Variants in PRDM1 observed in about 807,000 individuals in gnomAD.
PRDM1 encodes the protein PR domain zinc finger protein 1.
Under a neutral mutation model 62.8 loss-of-function variants are expected in PRDM1, and 13 were observed. That is an observed-to-expected ratio of 0.21 (90% CI 0.13 to 0.33). The LOEUF (loss-of-function observed/expected upper bound fraction) is 0.33, where lower values mean the gene tolerates loss of function less well. PRDM1 is among the 10% of genes least tolerant of loss of function. The pLI is 1.00. For synonymous variants in PRDM1, 396 were observed against 417.6 expected (o/e 0.95, Z 0.63); for missense variants, 895 against 1,058.8 (o/e 0.85, Z 2.15).
At position 106,105,382 on chromosome 6, in the gene PRDM1, G is replaced by A. The variant is rs144524449; in HGVS notation, c.1222G>A (p.Ala408Thr). The A allele has an allele frequency of 6.2e-7, 1 of 1,613,926 alleles. No individual in the cohort carries two copies. Among genetic ancestry groups the A allele is most frequent in the Non-Finnish European group, 8.5e-7 (1 of 1,179,988 alleles). The change falls in exon 5 of 7, where the codon GCT becomes ACT. Residue 408 changes from alanine (A) to threonine (T), a missense_variant. Coordinates refer to ENST00000369096, the MANE Select transcript of PRDM1 (RefSeq NM_001198.4). ...GCCAGCTTTCATCCCCTCGTACAAC[G>A]CTCACTACCCCAAGTTCCTCTTGCC... is the stretch of plus-strand genomic sequence containing the variant. ...LPPAFIPSYN[A>T]HYPKFLLPPY... is the part of the protein sequence containing the mutation.
At chr6:106,026,941 G>A (rs1020691695) in intron 1 of PRDM1, among the ~76,000 whole-genome samples, 1 of 152,188 alleles carries the variant, frequency 6.6e-6, no homozygotes, top group African/African-American at 2.4e-5. Flanking sequence ...GAAAGAGAAT[G>A]TAAGATGTGC....
chr6:106,050,529 A>G (rs1294411610), intron 1 of PRDM1, among the ~76,000 whole-genome samples: 1 of 152,094 alleles, frequency 6.6e-6, no homozygotes, highest in African/African-American at 2.4e-5. Context: ...TTTACTTTTT[A>G]TTCTTTCACA....
At position 106,109,252 on chromosome 6, in the gene PRDM1, A is replaced by C; in HGVS notation, c.*1766A>C. On this transcript the variant is annotated 3_prime_UTR_variant, in exon 7 of 7. Transcript: ENST00000369096. Reference sequence around the variant, plus strand: ...GACCACAAAACAACCAGGGAGGAAGAGATACATCATTTTTTAGTATTAAGG... The same window carrying C: ...GACCACAAAACAACCAGGGAGGAAGCGATACATCATTTTTTAGTATTAAGG... The C allele has an allele frequency of 4.3e-6, 1 of 232,268 alleles. No individual in the cohort carries two copies. Among genetic ancestry groups the C allele is most frequent in the Non-Finnish European group, 8.5e-6 (1 of 117,052 alleles). The allele number at this position is 232,268 out of a possible 1,614,324, so 14.4% of individuals were successfully genotyped here.
At chr6:106,035,491 T>G (rs2114571050) in intron 1 of PRDM1, among the ~76,000 whole-genome samples, 1 of 152,120 alleles carries the variant, frequency 6.6e-6, no homozygotes, top group East Asian at 1.9e-4. Context: ...TAACTGGGTG[T>G]GGTGGCACAT....
intron 4 of PRDM1, 171 bp downstream of exon 4, chr6:106,099,723 A>G (rs1774214342): frequency 2.5e-6 from 2 of 807,388 alleles, no homozygotes; most frequent in South Asian, 1.9e-5. Flanking sequence ...CCTATTAACT[A>G]TTAGGAAACT....
intron 1 of PRDM1, chr6:106,078,128 G>T (rs1418021406): frequency 6.6e-6 from 1 of 152,222 alleles, no homozygotes; most frequent in African/African-American, 2.4e-5. Flanking sequence ...TCCCTGCTGG[G>T]TGCTGCCAGA....
chr6:106,045,462 A>G (rs1773059867), upstream of PRDM1: 1 of 152,198 alleles, frequency 6.6e-6, no homozygotes, highest in Non-Finnish European at 1.5e-5. Context: ...ATTGTGGCTT[A>G]TTCAAAACAG....
upstream of PRDM1, among the ~76,000 whole-genome samples, chr6:106,085,704 G>C (rs118119189): frequency 1.5e-4 from 23 of 152,328 alleles, 1 homozygote; most frequent in East Asian, 4.2e-3. Context: ...AAGTCAGCCT[G>C]TGGGTTCTGG....
intron 1 of PRDM1, among the ~76,000 whole-genome samples, chr6:106,064,565 G>A (rs1274633436): frequency 6.6e-6 from 1 of 152,174 alleles, no homozygotes; most frequent in African/African-American, 2.4e-5. Context: ...TCGTCTGAGG[G>A]CGTGCGGCCC....
At chr6:106,104,097 C>A (rs1006496209) in intron 4 of PRDM1, among the ~76,000 whole-genome samples, 1 of 152,070 alleles carries the variant, frequency 6.6e-6, no homozygotes, top group African/African-American at 2.4e-5. Flanking sequence ...ACATTTAGTT[C>A]TCAGGGTATG....
chr6:106,094,504 T>C (rs1774041480), intron 2 of PRDM1, among the ~76,000 whole-genome samples: 1 of 152,190 alleles, frequency 6.6e-6, no homozygotes, highest in South Asian at 2.1e-4. Context: ...TTAACATGTT[T>C]CTTTAGCAAG....
At chr6:106,040,831 T>C (rs1239494143) in intron 1 of PRDM1, among the ~76,000 whole-genome samples, 1 of 152,250 alleles carries the variant, frequency 6.6e-6, no homozygotes, top group East Asian at 1.9e-4. Flanking sequence ...CTGTCATTGT[T>C]TTGGAAAAAC....
intron 1 of PRDM1, among the ~76,000 whole-genome samples, chr6:106,015,061 G>T (rs1194834264): frequency 2.0e-5 from 3 of 152,164 alleles, no homozygotes; most frequent in Non-Finnish European, 4.4e-5. Flanking sequence ...TCATCTGGAG[G>T]CCACCCCCAA....
intron 1 of PRDM1, 103 bp downstream of exon 1, chr6:106,086,698 G>T (rs1455240854): frequency 2.1e-5 from 23 of 1,098,080 alleles, no homozygotes; most frequent in Non-Finnish European, 1.6e-5. Flanking sequence ...GGCTAATGTC[G>T]CAGTAGAAAC....
chr6:106,052,018 G>T (rs907185568), intron 1 of PRDM1, among the ~76,000 whole-genome samples: 4 of 152,154 alleles, frequency 2.6e-5, no homozygotes, highest in African/African-American at 9.7e-5. Flanking sequence ...GGTTACCAGG[G>T]ACTAGGGGTA....
intron 2 of PRDM1, among the ~76,000 whole-genome samples, chr6:106,092,950 G>GT (rs1378317791): frequency 7.9e-5 from 12 of 152,210 alleles, no homozygotes; most frequent in Admixed American, 5.2e-4. Context: ...AGCACTGTAT[G>GT]TAATTGAAAT....
intron 2 of PRDM1, among the ~76,000 whole-genome samples, chr6:106,092,709 A>G (rs1341198196): frequency 6.6e-6 from 1 of 152,130 alleles, no homozygotes; most frequent in Non-Finnish European, 1.5e-5. Flanking sequence ...CCCTTTAAAA[A>G]CAATCCTGGT....
chr6:106,095,238 G>A (rs529762799), intron 2 of PRDM1, among the ~76,000 whole-genome samples: 1 of 152,284 alleles, frequency 6.6e-6, no homozygotes, highest in South Asian at 2.1e-4. Context: ...AGGAAACTAG[G>A]AACAGGCTGA....
chr6:106,026,918 T>A (rs576735771), intron 1 of PRDM1, among the ~76,000 whole-genome samples: 6 of 152,122 alleles, frequency 3.9e-5, no homozygotes, highest in Admixed American at 6.5e-5. Flanking sequence ...CAGCAGTAAG[T>A]TTCAGCAAAT....
Sources: allele counts gnomAD v4.1 joint callset (sites outside exome capture counted in the v4.1 genomes callset), GRCh38; gene constraint gnomAD v4.1.1; transcripts MANE v1.5; gene names NCBI Gene and HGNC (gene_info 2026-07-23, HGNC 2026-07-21).